TBX4: variants seen among roughly 807,000 people sequenced by gnomAD.
TBX4 encodes T-box transcription factor 4.
TBX4 carries 13 observed loss-of-function variants against 54.6 expected under a neutral mutation model. That is an observed-to-expected ratio of 0.24 (90% confidence interval 0.15 to 0.38). The LOEUF (loss-of-function observed/expected upper bound fraction) is 0.38, where lower values mean the gene tolerates loss of function less well. Among genes scored for constraint, TBX4 ranks in the 10% least tolerant of loss-of-function variants. TBX4 has a pLI of 1.00. For missense variants in TBX4, 631 were observed against 728.5 expected, an observed-to-expected ratio of 0.87 and a Z score of 1.54; for synonymous variants, 314 against 306.7, an observed-to-expected ratio of 1.02 and a Z score of -0.25.
intron 8 of TBX4, among the ~76,000 whole-genome samples, chr17:61,482,268 C>A (rs2060668235): frequency 6.6e-6 from 1 of 152,238 alleles, no homozygotes; most frequent in Admixed American, 6.5e-5. Flanking sequence ...AAGTATGTCA[C>A]CTTTTTCACT....
rs1357883068 is a variant in TBX4, at chr17:61,457,279, C to T, written c.187-258C>T. On this transcript the variant is annotated intron_variant, in intron 2 of 8. Coordinates refer to ENST00000644296, the MANE Select transcript of TBX4 (RefSeq NM_001321120.2). This position sits in a 1 kb window ranked among gnomAD's most constrained non-coding sequence, Gnocchi z 8.2. ...GTTCATGAGTGAGCAGGAGTGTCGT[C>T]TAACCTGCGCTGGCCACTATGTGTG... is the stretch of plus-strand genomic sequence containing the variant. 6.6e-6 allele frequency among the ~76,000 whole-genome samples: 1 copy of T among 152,136 alleles called. No individual in the cohort carries two copies. The highest frequency in any genetic ancestry group is 1.5e-5 in the Non-Finnish European group (1 of 68,000).
chr17:61,471,910 T>G (rs148175875), intron 5 of TBX4, among the ~76,000 whole-genome samples: 1 of 143,390 alleles, frequency 7.0e-6, no homozygotes, highest in Admixed American at 7.0e-5. Context: ...TTTTTTTTTT[T>G]TTTTTTTTTT....
At position 61,478,542 on chromosome 17, in the gene TBX4, C is replaced by A; in HGVS notation, c.550-85C>A. ...GGGCTTTGAGGAGAATGAGAAAAAC[C>A]AGGCCAGGGCCAGAAGAATGAGGTC... On this transcript the variant is annotated intron_variant, in intron 5 of 8. Transcript: ENST00000644296. The surrounding 1 kb of genome is among the most constrained non-coding windows in gnomAD (Gnocchi z 7.4). 1 of 1,587,534 alleles carries A rather than the reference C, an allele frequency of 6.3e-7. No homozygotes were observed. Among genetic ancestry groups the A allele is most frequent in the Non-Finnish European group, 8.6e-7 (1 of 1,156,716 alleles).
At position 61,462,300 on chromosome 17, in the gene TBX4, GGCGGCTTGTTTATTCCCCTGGC is replaced by G. The variant is rs1462073115; in HGVS notation, c.282-3517_282-3496del. 6.6e-6 allele frequency among the ~76,000 whole-genome samples: 1 copy of G among 152,230 alleles called. No individual in the cohort carries two copies. Among genetic ancestry groups the G allele is most frequent in the Non-Finnish European group, 1.5e-5 (1 of 68,048 alleles). On this transcript the variant is annotated intron_variant, in intron 3 of 8. Transcript: ENST00000644296. This position sits in a 1 kb window ranked among gnomAD's most constrained non-coding sequence, Gnocchi z 4.5. ...TCATCTCCTCCCGGGCCGGCGAGCA[GGCGGCTTGTTTATTCCCCTGGC>G]GGAGCCGTTTCCGCGTGTGCCGTGG...
Position 61,457,025 on chromosome 17 carries a change from G to A in TBX4, c.186+349G>A, listed in dbSNP as rs2060456037. Among the ~76,000 whole-genome samples, 1 of 152,200 alleles carries A rather than the reference G, an allele frequency of 6.6e-6. No individual in the cohort carries two copies. The highest frequency in any genetic ancestry group is 1.5e-5 in the Non-Finnish European group (1 of 68,038). The stretch of plus-strand genomic sequence containing the variant: ...AGGGCCTGGGACCCAACGGCGAGGG[G>A]GCAGGAGGAGGCCACCCCGCCGGTG... On this transcript the variant is annotated intron_variant, in intron 2 of 8. Coordinates refer to ENST00000644296, the MANE Select transcript of TBX4 (RefSeq NM_001321120.2). This position sits in a 1 kb window ranked among gnomAD's most constrained non-coding sequence, Gnocchi z 8.2.
rs905242863 is a variant in TBX4, at chr17:61,479,531, G to A, written c.703-350G>A. Reference sequence around the variant, plus strand: ...GGGAAGATGTTACAGGTCCCCAGGAGAGACCCATGGGGACAGAAGCCCGGC... The same window carrying A: ...GGGAAGATGTTACAGGTCCCCAGGAAAGACCCATGGGGACAGAAGCCCGGC... On this transcript the variant is annotated intron_variant, in intron 6 of 8. Transcript: ENST00000644296. This position sits in a 1 kb window ranked among gnomAD's most constrained non-coding sequence, Gnocchi z 6.1. 6.6e-6 allele frequency among the ~76,000 whole-genome samples: 1 copy of A among 152,220 alleles called. No individual in the cohort carries two copies. The highest frequency in any genetic ancestry group is 2.4e-5 in the African/African-American group (1 of 41,460).
In TBX4 at chr17:61,457,714, C is replaced by T; in HGVS notation, c.281+83C>T. ...AGGTCCCTTAGAAGTCCTCTCGGCC[C>T]CGGCCTGGTGGCCTGTGGGAGGCCT... On this transcript the variant is annotated intron_variant, in intron 3 of 8. Transcript: ENST00000644296. This position sits in a 1 kb window ranked among gnomAD's most constrained non-coding sequence, Gnocchi z 8.2. 1 of 1,368,676 alleles carries T rather than the reference C, an allele frequency of 7.3e-7. No individual in the cohort carries two copies. Among genetic ancestry groups the T allele is most frequent in the Non-Finnish European group, 1.0e-6 (1 of 973,246 alleles). 84.8% of individuals were successfully genotyped at this position (1,368,676 alleles called of 1,614,324 possible). A position where few individuals can be genotyped will look rare whatever the true frequency, so the allele number is the denominator to read the frequency against.
Position 61,483,163 on chromosome 17 carries a change from T to C in TBX4, c.1288T>C (p.Tyr430His). 1 of 1,614,080 alleles carries C rather than the reference T, an allele frequency of 6.2e-7. No individual in the cohort carries two copies. Among genetic ancestry groups the C allele is most frequent in the Non-Finnish European group, 8.5e-7 (1 of 1,180,016 alleles). ...MWTSVSPYTS[Y>H]SVQTMETVPY... Reference sequence around the variant, plus strand: ...GACTTCAGTGTCGCCGTACACCAGCTATAGCGTGCAGACGATGGAGACTGT... The same window carrying C: ...GACTTCAGTGTCGCCGTACACCAGCCATAGCGTGCAGACGATGGAGACTGT... The change falls in exon 9 of 9, where the codon TAT becomes CAT. Residue 430 changes from tyrosine (Y) to histidine (H), a missense_variant. Transcript: ENST00000644296. The surrounding 1 kb of genome is among the most constrained non-coding windows in gnomAD (Gnocchi z 6.6).
intron 4 of TBX4, among the ~76,000 whole-genome samples, chr17:61,466,214 G>A (rs2060536716): frequency 1.3e-5 from 2 of 152,198 alleles, no homozygotes; most frequent in African/African-American, 4.8e-5. Context: ...ATGGCCGTGG[G>A]TAGTCAGGAC....
chr17:61,464,181 T>C lies in TBX4; in HGVS notation c.282-1638T>C, dbSNP rs2060518597. 1 of 152,390 alleles carries C rather than the reference T, an allele frequency of 6.6e-6. No homozygotes were observed. The highest frequency in any genetic ancestry group is 2.4e-5 in the African/African-American group (1 of 41,454). The allele number at this position is 152,390 out of a possible 1,614,324, so 9.4% of individuals were successfully genotyped here. ...CACGCACACATCCACACATGCGCAC[T>C]TGCACACCGCTCACATGCGCCTGGG... On this transcript the variant is annotated intron_variant, in intron 3 of 8. Transcript: ENST00000644296. The surrounding 1 kb of genome is among the most constrained non-coding windows in gnomAD (Gnocchi z 5.8).
At position 61,479,705 on chromosome 17, in the gene TBX4, G is replaced by A. The variant is rs1228559467; in HGVS notation, c.703-176G>A. ...TGCCTGGGGTTGGGGAGGAGGGAAG[G>A]CCAGAGGCCAGTCCAGTCCCACCCT... is the stretch of plus-strand genomic sequence containing the variant. On this transcript the variant is annotated intron_variant, in intron 6 of 8. Transcript: ENST00000644296. This position sits in a 1 kb window ranked among gnomAD's most constrained non-coding sequence, Gnocchi z 6.1. 6.6e-6 allele frequency among the ~76,000 whole-genome samples: 1 copy of A among 152,168 alleles called. No homozygotes were observed. The highest frequency in any genetic ancestry group is 1.5e-5 in the Non-Finnish European group (1 of 68,008).
chr17:61,477,960 GA>G (rs2060633932), intron 5 of TBX4, among the ~76,000 whole-genome samples: 1 of 135,008 alleles, frequency 7.4e-6, no homozygotes, highest in Non-Finnish European at 1.6e-5. Context: ...AAAAAAAAAA[GA>G]AAAAGAAAAA....
rs1387306920 is a variant in TBX4, at chr17:61,460,626, A to C, written c.281+2995A>C. On this transcript the variant is annotated intron_variant, in intron 3 of 8. Transcript: ENST00000644296. The surrounding 1 kb of genome is among the most constrained non-coding windows in gnomAD (Gnocchi z 4.4). ...CTGTGTCCAGAGGGTTCGTGCTGATAGCCGCAGACAGCAGATCCCTCTCTT... is the reference window on the plus strand; with the variant it reads ...CTGTGTCCAGAGGGTTCGTGCTGATCGCCGCAGACAGCAGATCCCTCTCTT... 6.6e-6 allele frequency among the ~76,000 whole-genome samples: 1 copy of C among 152,132 alleles called. No homozygotes were observed. The highest frequency in any genetic ancestry group is 2.4e-5 in the African/African-American group (1 of 41,414).
chr17:61,483,343 G>A lies in TBX4; in HGVS notation c.1468G>A (p.Ala490Thr), dbSNP rs762155896. Residue 490 changes from alanine to threonine, a missense_variant, in exon 9 of 9, where the codon GCC becomes ACC. Ala to Thr is a moderately conservative substitution (Grantham distance 58). Coordinates refer to ENST00000644296, the MANE Select transcript of TBX4 (RefSeq NM_001321120.2). The surrounding 1 kb of genome is among the most constrained non-coding windows in gnomAD (Gnocchi z 6.6). Reference protein sequence around the residue: ...QSQVRERGPSASFPRERGLPQ... With the variant: ...QSQVRERGPSTSFPRERGLPQ... Reference sequence around the variant, plus strand: ...TCAGGTCCGAGAGCGGGGGCCCAGCGCCTCATTCCCAAGAGAGCGCGGCCT... The same window carrying A: ...TCAGGTCCGAGAGCGGGGGCCCAGCACCTCATTCCCAAGAGAGCGCGGCCT... 3.2e-5 allele frequency: 52 copies of A among 1,609,354 alleles called. No homozygotes were observed. The Middle Eastern group carries it at 1.2e-3, about 36-fold the overall frequency.
At position 61,465,401 on chromosome 17, in the gene TBX4, C is replaced by G. The variant is rs912839349; in HGVS notation, c.282-418C>G. Reference sequence around the variant, plus strand: ...CCTATAACTGCACCCCAGAACTTCACTTGTGTGTGGGCTGGCAAAGGACAG... The same window carrying G: ...CCTATAACTGCACCCCAGAACTTCAGTTGTGTGTGGGCTGGCAAAGGACAG... On this transcript the variant is annotated intron_variant, in intron 3 of 8. Transcript: ENST00000644296. This position sits in a 1 kb window ranked among gnomAD's most constrained non-coding sequence, Gnocchi z 4.9. Among the ~76,000 whole-genome samples the G allele has an allele frequency of 4.6e-5, 7 of 152,200 alleles. No homozygotes were observed. Among genetic ancestry groups the G allele is most frequent in the African/African-American group, 1.7e-4 (7 of 41,434 alleles).
At chr17:61,471,950 A>C (rs939853812) in intron 5 of TBX4, among the ~76,000 whole-genome samples, 21 of 129,358 alleles carry the variant, frequency 1.6e-4, no homozygotes, top group Admixed American at 4.9e-4. Flanking sequence ...CACCATGTTG[A>C]TCAGACTAGT....
rs777128270 is a variant in TBX4, at chr17:61,478,785, GCCACTGCC to G, written c.702+19_702+26del. The G allele has an allele frequency of 3.2e-5, 51 of 1,613,976 alleles. No homozygotes were observed. Among genetic ancestry groups the G allele is most frequent in the Non-Finnish European group, 4.2e-5 (50 of 1,180,026 alleles). ...CCTCCTACCAGAATCACAAGGTACA[GCCACTGCC>G]CCACTGCCCCACAGCCCCACTTAAC... On this transcript the variant is annotated splice_region_variant and intron_variant, in intron 6 of 8. Transcript: ENST00000644296. This position sits in a 1 kb window ranked among gnomAD's most constrained non-coding sequence, Gnocchi z 7.4.
intron 3 of TBX4, among the ~76,000 whole-genome samples, chr17:61,458,690 G>T (rs1375073642): frequency 6.6e-6 from 1 of 152,196 alleles, no homozygotes; most frequent in African/African-American, 2.4e-5. Context: ...ATCTGTAAAA[G>T]AACAGGTCTT....
At position 61,483,320 on chromosome 17, in the gene TBX4, A is replaced by C; in HGVS notation, c.1445A>C (p.Gln482Pro). 1 of 1,611,078 alleles carries C rather than the reference A, an allele frequency of 6.2e-7. No homozygotes were observed. Residue 482 changes from glutamine to proline, a missense_variant, in exon 9 of 9, where the codon CAG becomes CCG. This residue lies in a region of TBX4 where 354 missense variants were observed against 368.9 expected (regional missense o/e 0.96). Coordinates refer to ENST00000644296, the MANE Select transcript of TBX4 (RefSeq NM_001321120.2). This position sits in a 1 kb window ranked among gnomAD's most constrained non-coding sequence, Gnocchi z 6.6. ...GTCTACAATCAGCTCTCCCAGTCTCAGGTCCGAGAGCGGGGGCCCAGCGCC... is the reference window on the plus strand; with the variant it reads ...GTCTACAATCAGCTCTCCCAGTCTCCGGTCCGAGAGCGGGGGCCCAGCGCC... ...FSVYNQLSQS[Q>P]VRERGPSASF...
Sources: gnomAD v4.1 joint callset for allele counts (sites outside exome capture counted in the v4.1 genomes callset) on GRCh38, gnomAD v4.1.1 for gene constraint, gnomAD v4.1.1 regional missense constraint, Gnocchi (gnomAD v3.1) non-coding constraint, MANE v1.5 for transcripts, NCBI Gene and HGNC (gene_info 2026-07-23, HGNC 2026-07-21) for gene names.